Variants in PDLIM5 observed in about 807,000 individuals in gnomAD.
PDLIM5 encodes PDZ and LIM domain 5, also known as PDZ and LIM domain protein 5.
PDLIM5 carries 34 observed loss-of-function variants against 64.2 expected under a neutral mutation model. That is an observed-to-expected ratio of 0.53 (90% CI 0.40 to 0.71). The LOEUF (loss-of-function observed/expected upper bound fraction) is 0.71, where lower values mean the gene tolerates loss of function less well. Among genes scored for constraint, PDLIM5 ranks in the 30% least tolerant of loss-of-function variants. PDLIM5 has a pLI of 0.00. For missense variants in PDLIM5, 683 were observed against 733.6 expected, an observed-to-expected ratio of 0.93 and a Z score of 0.80; for synonymous variants, 253 against 269.1, an observed-to-expected ratio of 0.94 and a Z score of 0.59.
chr4:94,640,465 G>A lies in PDLIM5; in HGVS notation c.1283+15G>A. 6.8e-7 allele frequency: 1 copy of A among 1,463,538 alleles called. No homozygotes were observed. Among genetic ancestry groups the A allele is most frequent in the Non-Finnish European group, 9.2e-7 (1 of 1,088,526 alleles). 90.7% of individuals were successfully genotyped at this position (1,463,538 alleles called of 1,614,324 possible). On this transcript the variant is annotated intron_variant, in intron 9 of 12. Transcript: ENST00000317968. ...CAGGTCATCAGGTTGGTTGTTTTTT[G>A]AAATTTTCTTGAAAGTACTTAATAT...
chr4:94,561,706 A>G (rs563123259), intron 3 of PDLIM5, among the ~76,000 whole-genome samples: 4 of 152,274 alleles, frequency 2.6e-5, no homozygotes, highest in African/African-American at 9.6e-5. Flanking sequence ...ATTAGAGGTT[A>G]TGTTTTTCTC....
chr4:94,570,777 T>G (rs889868453), intron 3 of PDLIM5, among the ~76,000 whole-genome samples: 4 of 152,200 alleles, frequency 2.6e-5, no homozygotes, highest in Admixed American at 2.0e-4. Flanking sequence ...GGTCCCAAGG[T>G]CAGTGGATCC....
chr4:94,625,538 C>T (rs948965185), intron 8 of PDLIM5, among the ~76,000 whole-genome samples: 10 of 151,806 alleles, frequency 6.6e-5, no homozygotes, highest in Admixed American at 5.2e-4. Flanking sequence ...CTGCAAGCTC[C>T]ACCTCCCAGG....
chr4:94,461,012 T>A (rs1723830116), intron 2 of PDLIM5, among the ~76,000 whole-genome samples: 1 of 152,242 alleles, frequency 6.6e-6, no homozygotes, highest in Admixed American at 6.5e-5. Context: ...ACAGTGGTCT[T>A]TGTCTATGAC....
chr4:94,652,597 G>A (rs1247768710), intron 9 of PDLIM5, among the ~76,000 whole-genome samples: 1 of 152,170 alleles, frequency 6.6e-6, no homozygotes, highest in Non-Finnish European at 1.5e-5. Context: ...AGTTGAAAAT[G>A]ATGGACCACT....
intron 9 of PDLIM5, among the ~76,000 whole-genome samples, chr4:94,652,753 A>G (rs1741937227): frequency 6.6e-6 from 1 of 152,194 alleles, no homozygotes; most frequent in Admixed American, 6.5e-5. Flanking sequence ...TAAACTGCCT[A>G]TCTCAAACTT....
intron 3 of PDLIM5, among the ~76,000 whole-genome samples, chr4:94,526,859 A>G (rs774180646): frequency 6.6e-6 from 1 of 150,766 alleles, no homozygotes; most frequent in East Asian, 2.0e-4. Context: ...CAGCCTCCCG[A>G]GTTGCTGGGA....
chr4:94,580,714 A>C (rs1245085541), intron 5 of PDLIM5, among the ~76,000 whole-genome samples: 1 of 152,080 alleles, frequency 6.6e-6, no homozygotes, highest in Non-Finnish European at 1.5e-5. Flanking sequence ...TCTCATGCCA[A>C]GAGATTACAT....
intron 2 of PDLIM5, among the ~76,000 whole-genome samples, chr4:94,515,894 T>C (rs867625004): frequency 5.9e-5 from 9 of 152,244 alleles, no homozygotes; most frequent in African/African-American, 2.2e-4. Context: ...AACAAATTTG[T>C]TTGATTTTCA....
intron 2 of PDLIM5, among the ~76,000 whole-genome samples, chr4:94,483,464 T>A (rs187317045): frequency 2.0e-5 from 3 of 152,310 alleles, no homozygotes; most frequent in Admixed American, 1.3e-4. Flanking sequence ...TGTGTATGTT[T>A]ATAATTATTT....
intron 9 of PDLIM5, among the ~76,000 whole-genome samples, chr4:94,647,789 AGGACT>A (rs1741534665): frequency 6.6e-6 from 1 of 152,206 alleles, no homozygotes; most frequent in Non-Finnish European, 1.5e-5. Flanking sequence ...TAAATTTAAA[AGGACT>A]GAGATCATAC....
In PDLIM5 at chr4:94,665,796, T is replaced by C; in HGVS notation, c.*1729T>C. 7.8e-7 allele frequency: 1 copy of C among 1,282,930 alleles called. No individual in the cohort carries two copies. The highest frequency in any genetic ancestry group is 9.8e-7 in the Non-Finnish European group (1 of 1,018,078). 79.5% of individuals were successfully genotyped at this position (1,282,930 alleles called of 1,614,324 possible). Reference sequence around the variant, plus strand: ...ATAATAAGTGAACCAATTTCAAATGTGATCACAAAGTTTGGAAAGCTTTTA... The same window carrying C: ...ATAATAAGTGAACCAATTTCAAATGCGATCACAAAGTTTGGAAAGCTTTTA... On this transcript the variant is annotated 3_prime_UTR_variant, in exon 13 of 13. Transcript: ENST00000317968.
chr4:94,605,389 C>A (rs1036605426), intron 7 of PDLIM5, among the ~76,000 whole-genome samples: 1 of 152,120 alleles, frequency 6.6e-6, no homozygotes, highest in African/African-American at 2.4e-5. Context: ...GCTCTTTGTT[C>A]ATGTATCCTG....
At chr4:94,658,086 A>G (rs1001947872) in intron 11 of PDLIM5, among the ~76,000 whole-genome samples, 4 of 152,204 alleles carry the variant, frequency 2.6e-5, no homozygotes, top group African/African-American at 9.7e-5. Flanking sequence ...TAGTAGGAAA[A>G]ATATTTTGCT....
At chr4:94,546,775 T>A (rs1474806894) in intron 3 of PDLIM5, among the ~76,000 whole-genome samples, 1 of 152,100 alleles carries the variant, frequency 6.6e-6, no homozygotes, top group Admixed American at 6.6e-5. Flanking sequence ...GTGTTATATA[T>A]ATTACTTAAA....
chr4:94,623,291 T>C (rs1417905895), intron 8 of PDLIM5, among the ~76,000 whole-genome samples: 1 of 152,190 alleles, frequency 6.6e-6, no homozygotes, highest in East Asian at 1.9e-4. Flanking sequence ...CTGTTCCCTA[T>C]AGTCCACTCA....
At chr4:94,455,876 T>C (rs1209028903) in intron 2 of PDLIM5, 1 of 1,405,010 alleles carries the variant, frequency 7.1e-7, no homozygotes, top group Non-Finnish European at 9.7e-7. Context: ...TACTTACCCT[T>C]GAAGAGGAAA....
intron 2 of PDLIM5, chr4:94,488,968 A>G (rs984812447): frequency 1.3e-5 from 2 of 152,226 alleles, no homozygotes; most frequent in Admixed American, 6.5e-5. Flanking sequence ...AGTACAGCTC[A>G]TCTCCTTGTA....
chr4:94,466,500 A>G (rs1195413890), intron 2 of PDLIM5, among the ~76,000 whole-genome samples: 1 of 152,176 alleles, frequency 6.6e-6, no homozygotes, highest in African/African-American at 2.4e-5. Flanking sequence ...TAGATGTTTC[A>G]CCTGCACCAG....
Sources: allele counts gnomAD v4.1 joint callset (sites outside exome capture counted in the v4.1 genomes callset), GRCh38; gene constraint gnomAD v4.1.1; transcripts MANE v1.5; gene names NCBI Gene and HGNC (gene_info 2026-07-23, HGNC 2026-07-21).